Variants in MATN2 observed in about 807,000 individuals in gnomAD.
MATN2 encodes the protein matrilin 2, also known as matrilin-2.
Under a neutral mutation model 103.2 loss-of-function variants are expected in MATN2, and 69 were observed. That is an observed-to-expected ratio of 0.67 (90% CI 0.55 to 0.82). The LOEUF is 0.82. MATN2 is among the 40% of genes least tolerant of loss of function. MATN2 has a pLI of 0.00. For synonymous variants in MATN2, 429 were observed against 450.2 expected, an observed-to-expected ratio of 0.95 and a Z score of 0.60; for missense variants, 1,023 against 1,211.5, an observed-to-expected ratio of 0.84 and a Z score of 2.31.
chr8:97,972,338 C>CAAAAA (rs3076713), intron 5 of MATN2, among the ~76,000 whole-genome samples: 5 of 126,876 alleles, frequency 3.9e-5, no homozygotes, highest in Non-Finnish European at 6.5e-5. Context: ...GACCCTGTCT[C>CAAAAA]AAAAAAAAAA....
chr8:97,947,524 C>A (rs1028594394), intron 4 of MATN2, among the ~76,000 whole-genome samples: 1 of 151,778 alleles, frequency 6.6e-6, no homozygotes, highest in African/African-American at 2.4e-5. Context: ...ATAATGGCAT[C>A]AAAAATATGT....
intron 1 of MATN2, among the ~76,000 whole-genome samples, chr8:97,869,565 CGTGGGGGCGCT>C (rs1817825905): frequency 6.6e-6 from 1 of 152,178 alleles, no homozygotes; most frequent in Non-Finnish European, 1.5e-5. Flanking sequence ...CGGAGTGCCC[CGTGGGGGCGCT>C]GTGGCACGCA....
At chr8:97,997,341 GGA>G (rs1370459445) in intron 7 of MATN2, among the ~76,000 whole-genome samples, 1 of 152,192 alleles carries the variant, frequency 6.6e-6, no homozygotes, top group Non-Finnish European at 1.5e-5. Context: ...CTCAGGACCT[GGA>G]TTTCCTAAAC....
chr8:98,032,272 G>C lies in MATN2; in HGVS notation c.2536G>C (p.Asp846His). ...TCTAGAAGACTCCGATGGAAGACAG[G>C]ACTCTCCAGCAGGGGAACTGCCAAA... ...EALEDSDGRQDSPAGELPKTV... is the reference protein window; with the variant it reads ...EALEDSDGRQHSPAGELPKTV... The change falls in exon 16 of 19, where the codon GAC becomes CAC. Residue 846 changes from aspartate to histidine, a missense_variant. Physicochemically the swap from Asp to His is moderately conservative, Grantham distance 81 (BLOSUM62 -1). Transcript: ENST00000254898. The C allele has an allele frequency of 1.2e-6, 2 of 1,612,148 alleles. No homozygotes were observed. Among genetic ancestry groups the C allele is most frequent in the Non-Finnish European group, 1.7e-6 (2 of 1,179,100 alleles).
intron 7 of MATN2, 128 bp from the exon 8 acceptor site, chr8:98,003,533 C>A: frequency 1.0e-6 from 1 of 963,908 alleles, no homozygotes; most frequent in Non-Finnish European, 1.6e-6. Flanking sequence ...AATGATCCGT[C>A]CCGGCTTGCC....
chr8:97,882,017 G>A (rs1049389171), intron 1 of MATN2, among the ~76,000 whole-genome samples: 12 of 150,364 alleles, frequency 8.0e-5, no homozygotes, highest in Admixed American at 2.0e-4. Context: ...TGCCTCCCGG[G>A]TTCAAGCAAT....
chr8:97,888,298 C>T, intron 2 of MATN2, 56 bp downstream of exon 2: 1 of 1,419,534 alleles, frequency 7.0e-7, no homozygotes, highest in Non-Finnish European at 9.2e-7. Flanking sequence ...TTGGGGAGGG[C>T]TCAGGGACAG....
At chr8:98,024,965 G>C (rs1813735450) in intron 13 of MATN2, 1 of 152,174 alleles carries the variant, frequency 6.6e-6, no homozygotes, top group African/African-American at 2.4e-5. Flanking sequence ...AAGCCTTCTG[G>C]ATGCCATTCT....
At position 98,033,069 on chromosome 8, in the gene MATN2, A is replaced by G; in HGVS notation, c.2609A>G (p.Gln870Arg). The G allele has an allele frequency of 6.2e-7, 1 of 1,611,518 alleles. No homozygotes were observed. The highest frequency in any genetic ancestry group is 1.1e-5 in the South Asian group (1 of 90,262). Residue 870 changes from glutamine (Q) to arginine (R), a missense_variant, in exon 17 of 19, where the codon CAA becomes CGA. Transcript: ENST00000254898. ...TCTGAGCCAGTCACCATAAATATCC[A>G]AGACCTACTTTCCTGTTCTAATTTT... ...TESEPVTINI[Q>R]DLLSCSNFAV...
At chr8:97,906,570 A>G (rs1819177723) in intron 2 of MATN2, among the ~76,000 whole-genome samples, 2 of 152,246 alleles carry the variant, frequency 1.3e-5, no homozygotes, top group African/African-American at 4.8e-5. Context: ...AGCTGAGGCC[A>G]GCACCAGACA....
rs570816662 is a variant in MATN2 at position 97,911,705 on chromosome 8, CA to C, written c.143-19238del. Among the ~76,000 whole-genome samples the C allele has an allele frequency of 6.2e-4, 90 of 146,238 alleles. 2 individuals are homozygous for C. The East Asian group carries it at 0.015, about 25-fold the overall frequency. The stretch of plus-strand genomic sequence containing the variant: ...CTGGTGACAGAGTGAGACTCTGTCT[CA>C]AAAAAAAAATAAAATAAAAAATAAA... On this transcript the variant is annotated intron_variant, in intron 2 of 18. Coordinates refer to ENST00000254898, the MANE Select transcript of MATN2 (RefSeq NM_002380.5).
At chr8:97,971,483 C>T (rs779971902) in intron 5 of MATN2, among the ~76,000 whole-genome samples, 11 of 152,110 alleles carry the variant, frequency 7.2e-5, no homozygotes, top group African/African-American at 1.4e-4. Context: ...GAATTTATTC[C>T]GTATTCAATG....
At chr8:97,934,796 A>G (rs1471933211) in intron 3 of MATN2, among the ~76,000 whole-genome samples, 1 of 152,210 alleles carries the variant, frequency 6.6e-6, no homozygotes, top group Non-Finnish European at 1.5e-5. Flanking sequence ...GTGCTCAGTA[A>G]ATCAACACTT....
rs190392669 is a variant in MATN2 at position 98,020,533 on chromosome 8, C to A, written c.1820-672C>A. On this transcript the variant is annotated intron_variant, in intron 12 of 18. Coordinates refer to ENST00000254898, the MANE Select transcript of MATN2 (RefSeq NM_002380.5). ...CATTTATTGCTCAGTAAATTGAACA[C>A]AAGGTACAACTTCTACCTCTGGAAT... is the stretch of plus-strand genomic sequence containing the variant. 3.3e-5 allele frequency among the ~76,000 whole-genome samples: 5 copies of A among 152,322 alleles called. No homozygotes were observed. The East Asian group carries it at 9.6e-4, about 29-fold the overall frequency.
Position 97,888,163 on chromosome 8 carries a change from C to G in MATN2, c.63C>G (p.Ala21=). The G allele has an allele frequency of 6.2e-7, 1 of 1,609,310 alleles. No homozygotes were observed. The highest frequency in any genetic ancestry group is 8.5e-7 in the Non-Finnish European group (1 of 1,177,830). Residue 21 remains alanine (A), a synonymous_variant, in exon 2 of 19, where the codon GCC becomes GCG. Coordinates refer to ENST00000254898, the MANE Select transcript of MATN2 (RefSeq NM_002380.5). ...TCGGACAGATCGTCCTCCTCCCTGC[C>G]GAGGCCAGGGAGCGGTCACGTGGGA... ...LILGQIVLLP[A]EARERSRGRS... is the part of the protein sequence containing the mutation.
At chr8:98,018,247 A>T (rs1813442786) in intron 12 of MATN2, 131 bp downstream of exon 12, 2 of 1,236,344 alleles carry the variant, frequency 1.6e-6, no homozygotes, top group African/African-American at 3.0e-5. Context: ...GGGTGCTCTG[A>T]AAGTGTTTAG....
chr8:97,903,063 G>A (rs907264970), intron 2 of MATN2, among the ~76,000 whole-genome samples: 56 of 152,144 alleles, frequency 3.7e-4, no homozygotes, highest in Non-Finnish European at 5.9e-5. Flanking sequence ...GAGAAGTTGA[G>A]TTTAGGTAGC....
In MATN2 at chr8:97,986,841, A is replaced by AT. The variant is rs950600597; in HGVS notation, c.1082-7630dup. ...TCAAATAGTAGATCTACTTTTAGTTATTTTTTTTTGAGACGGAGTCTCGCT... is the reference window on the plus strand; with the variant it reads ...TCAAATAGTAGATCTACTTTTAGTTATTTTTTTTTTGAGACGGAGTCTCGCT... On this transcript the variant is annotated intron_variant, in intron 6 of 18. Transcript: ENST00000254898. Among the ~76,000 whole-genome samples the AT allele has an allele frequency of 2.7e-4, 40 of 150,818 alleles. No individual in the cohort carries two copies. The South Asian group carries it at 5.9e-3, about 22-fold the overall frequency.
chr8:97,998,668 A>T lies in MATN2; in HGVS notation c.1204+4066A>T, dbSNP rs564111511. Among the ~76,000 whole-genome samples the T allele has an allele frequency of 6.1e-3, 918 of 150,856 alleles. 2 individuals carry two copies. Among genetic ancestry groups the T allele is most frequent in the Middle Eastern group, 0.01 (3 of 294 alleles). ...ATTTTTTTATATTTTTAAAATTTTA[A>T]AAATTTTTTTTTATATTTTTAAAAT... On this transcript the variant is annotated intron_variant, in intron 7 of 18. Transcript: ENST00000254898.
Sources: allele counts gnomAD v4.1 joint callset (sites outside exome capture counted in the v4.1 genomes callset), GRCh38; gene constraint gnomAD v4.1.1; transcripts MANE v1.5; gene names NCBI Gene and HGNC (gene_info 2026-07-23, HGNC 2026-07-21).